RSRC1: variants seen among roughly 807,000 people sequenced by gnomAD.
RSRC1 encodes the protein arginine and serine rich coiled-coil 1.
A neutral mutation model predicts 49.1 loss-of-function variants in RSRC1; 39 were observed. The ratio of observed to expected loss-of-function variants is 0.79; its 90% CI spans 0.61 to 1.04. The LOEUF (loss-of-function observed/expected upper bound fraction) is 1.04, where lower values mean the gene tolerates loss of function less well. Among genes scored for constraint, RSRC1 ranks in the 50% least tolerant of loss-of-function variants. The probability of loss-of-function intolerance (pLI) is 0.00; values close to 1 mark genes in which losing one functional copy is unlikely to be tolerated. For missense variants in RSRC1, 388 were observed against 402.4 expected (o/e 0.96, Z 0.31); for synonymous variants, 143 against 130.8 (o/e 1.09, Z -0.63).
chr3:158,186,901 G>A (rs1719963923), intron 3 of RSRC1, among the ~76,000 whole-genome samples: 2 of 151,928 alleles, frequency 1.3e-5, no homozygotes, highest in African/African-American at 2.4e-5. Flanking sequence ...AAAATATTTA[G>A]TTAAATGGAT....
chr3:158,434,577 A>T (rs140398939), intron 6 of RSRC1, among the ~76,000 whole-genome samples: 37 of 152,108 alleles, frequency 2.4e-4, no homozygotes, highest in African/African-American at 8.7e-4. Flanking sequence ...CAGACAGAAG[A>T]AGCAGACAGA....
At chr3:158,514,652 G>A (rs994817686) in intron 7 of RSRC1, among the ~76,000 whole-genome samples, 1 of 152,054 alleles carries the variant, frequency 6.6e-6, no homozygotes, top group African/African-American at 2.4e-5. Context: ...GCAGAGCTGA[G>A]TTCAATTCCT....
intron 5 of RSRC1, among the ~76,000 whole-genome samples, chr3:158,331,526 A>T (rs1283601221): frequency 1.3e-5 from 2 of 152,008 alleles, no homozygotes; most frequent in Non-Finnish European, 2.9e-5. Context: ...TATGTAGTCA[A>T]ATCTGTTGGG....
chr3:158,374,234 G>C (rs1732232316), intron 6 of RSRC1, among the ~76,000 whole-genome samples: 2 of 151,932 alleles, frequency 1.3e-5, no homozygotes, highest in Admixed American at 1.3e-4. Context: ...CATTTCATTT[G>C]CTCCTATTTA....
At chr3:158,136,760 G>A (rs1207495056) in intron 3 of RSRC1, 1 of 152,154 alleles carries the variant, frequency 6.6e-6, no homozygotes, top group Non-Finnish European at 1.5e-5. Context: ...CAATGGGTGT[G>A]GAGATCATGC....
At chr3:158,261,914 A>G (rs138214439) in intron 4 of RSRC1, among the ~76,000 whole-genome samples, 1 of 152,270 alleles carries the variant, frequency 6.6e-6, no homozygotes, top group Non-Finnish European at 1.5e-5. Context: ...AATATAGTGC[A>G]CGGTAATTGT....
At chr3:158,173,293 G>A (rs1718991816) in intron 3 of RSRC1, among the ~76,000 whole-genome samples, 1 of 151,904 alleles carries the variant, frequency 6.6e-6, no homozygotes, top group African/African-American at 2.4e-5. Flanking sequence ...CAATTTTTCA[G>A]TGTCTATTGA....
At chr3:158,189,778 G>C (rs1720129815) in intron 3 of RSRC1, among the ~76,000 whole-genome samples, 1 of 151,426 alleles carries the variant, frequency 6.6e-6, no homozygotes. Context: ...CTTATTCTTT[G>C]TTTTCTATTT....
At chr3:158,419,037 T>C (rs1188218708) in intron 6 of RSRC1, among the ~76,000 whole-genome samples, 1 of 152,018 alleles carries the variant, frequency 6.6e-6, no homozygotes, top group Non-Finnish European at 1.5e-5. Flanking sequence ...ATTCAAAATA[T>C]GGTTTACTAT....
chr3:158,350,257 A>C (rs1328047641), intron 5 of RSRC1, among the ~76,000 whole-genome samples: 1 of 149,150 alleles, frequency 6.7e-6, no homozygotes, highest in African/African-American at 2.5e-5. Flanking sequence ...AGCTCACTGC[A>C]GTCTTCACCT....
chr3:158,229,148 A>C (rs1722752438), intron 4 of RSRC1, among the ~76,000 whole-genome samples: 1 of 149,438 alleles, frequency 6.7e-6, no homozygotes, highest in African/African-American at 2.5e-5. Context: ...ATAAACATAC[A>C]TACGTGTATA....
At chr3:158,311,295 A>G (rs1409437541) in intron 5 of RSRC1, among the ~76,000 whole-genome samples, 1 of 151,942 alleles carries the variant, frequency 6.6e-6, no homozygotes, top group Admixed American at 6.6e-5. Context: ...CACCTGGTAT[A>G]TCGGTTGTAA....
chr3:158,210,258 A>G (rs574299934), intron 4 of RSRC1, among the ~76,000 whole-genome samples: 35 of 152,226 alleles, frequency 2.3e-4, no homozygotes, highest in African/African-American at 8.2e-4. Context: ...TCTGACACCA[A>G]GCTGTGTGGT....
In RSRC1 at chr3:158,170,253, G is replaced by A. The variant is rs1026201673; in HGVS notation, c.321-32819G>A. Among the ~76,000 whole-genome samples, 46 of 149,678 alleles carry A rather than the reference G, an allele frequency of 3.1e-4. 1 individual carries two copies. Reference sequence around the variant, plus strand: ...AAGCCAGATTTTTTGTTTAATTCTAGCAAATATAAGGGCCTTATGTCTTCT... The same window carrying A: ...AAGCCAGATTTTTTGTTTAATTCTAACAAATATAAGGGCCTTATGTCTTCT... On this transcript the variant is annotated intron_variant, in intron 3 of 9. Transcript: ENST00000611884.
intron 5 of RSRC1, among the ~76,000 whole-genome samples, chr3:158,325,108 T>A (rs995159108): frequency 2.6e-5 from 4 of 152,310 alleles, no homozygotes; most frequent in African/African-American, 4.8e-5. Flanking sequence ...GTTTGAGTTC[T>A]TTGTAGATTC....
rs748747532 is a variant in RSRC1 at position 158,544,238 on chromosome 3, T to C, written c.968T>C (p.Leu323Pro). Residue 323 changes from leucine (L) to proline (P), a missense_variant, in exon 10 of 10, where the codon CTC becomes CCC. By Grantham distance (98) the Leu-to-Pro change is moderately conservative (BLOSUM62 -3). Coordinates refer to ENST00000611884, the MANE Select transcript of RSRC1 (RefSeq NM_001271838.2). ...AAATGGTTCAAGAGATTAATTGCTCTCCGACAAGAAAGACTAATGGGCAGT... is the reference window on the plus strand; with the variant it reads ...AAATGGTTCAAGAGATTAATTGCTCCCCGACAAGAAAGACTAATGGGCAGT... ...EEKWFKRLIA[L>P]RQERLMGSPV... 1 of 1,612,706 alleles carries C rather than the reference T, an allele frequency of 6.2e-7. No individual in the cohort carries two copies. The highest frequency in any genetic ancestry group is 8.5e-7 in the Non-Finnish European group (1 of 1,179,316).
At chr3:158,372,208 G>A (rs1732118435) in intron 6 of RSRC1, among the ~76,000 whole-genome samples, 1 of 151,734 alleles carries the variant, frequency 6.6e-6, no homozygotes, top group Non-Finnish European at 1.5e-5. Context: ...TATGTATTGT[G>A]TTTTTAGTGA....
rs563214185 is a variant in RSRC1 at position 158,468,141 on chromosome 3, G to A, written c.652+7138G>A. The stretch of plus-strand genomic sequence containing the variant: ...GTACAGATGGGGTTTCACCTTGTTA[G>A]CCAGGTTGGTCTCGATCTCCTGACC... On this transcript the variant is annotated intron_variant, in intron 7 of 9. Coordinates refer to ENST00000611884, the MANE Select transcript of RSRC1 (RefSeq NM_001271838.2). Among the ~76,000 whole-genome samples, 10 of 152,266 alleles carry A rather than the reference G, an allele frequency of 6.6e-5. No individual in the cohort carries two copies. The South Asian group carries it at 2.1e-3, about 32-fold the overall frequency.
chr3:158,122,460 G>A (rs549969642), intron 2 of RSRC1, among the ~76,000 whole-genome samples, 162 bp downstream of exon 2: 5 of 151,956 alleles, frequency 3.3e-5, no homozygotes, highest in African/African-American at 4.8e-5. Flanking sequence ...GGTCCAGTCC[G>A]TGGGTCTAGT....
Sources: gnomAD v4.1 joint callset for allele counts (sites outside exome capture counted in the v4.1 genomes callset) on GRCh38, gnomAD v4.1.1 for gene constraint, MANE v1.5 for transcripts, NCBI Gene and HGNC (gene_info 2026-07-23, HGNC 2026-07-21) for gene names.